Variants in RIMS1 observed in about 807,000 individuals in gnomAD.
RIMS1 encodes regulating synaptic membrane exocytosis 1.
Under a neutral mutation model 214.1 loss-of-function variants are expected in RIMS1, and 83 were observed. The ratio of observed to expected loss-of-function variants is 0.39; its 90% CI spans 0.32 to 0.47. RIMS1 has a LOEUF of 0.47. Among genes scored for constraint, RIMS1 ranks in the 20% least tolerant of loss-of-function variants. The pLI is 0.99. For missense variants in RIMS1, 2,050 were observed against 2,161.8 expected (o/e 0.95, Z 1.03); for synonymous variants, 793 against 786.8 (o/e 1.01, Z -0.13).
chr6:71,893,471 GA>G (rs1001733973), intron 1 of RIMS1, among the ~76,000 whole-genome samples: 1 of 152,036 alleles, frequency 6.6e-6, no homozygotes, highest in South Asian at 2.1e-4. Context: ...ATCTTTTACA[GA>G]AAAAAATTTG....
intron 4 of RIMS1, among the ~76,000 whole-genome samples, chr6:72,169,669 T>C (rs2463736): frequency 0.98 from 149,366 of 152,276 alleles, 73,306 homozygotes; most frequent in South Asian, 1. Context: ...TTTCGGAGGC[T>C]AAGGCGGGCA....
At chr6:71,895,106 A>G (rs1771253376) in intron 1 of RIMS1, among the ~76,000 whole-genome samples, 1 of 152,176 alleles carries the variant, frequency 6.6e-6, no homozygotes, top group South Asian at 2.1e-4. Flanking sequence ...ATGGACTCTC[A>G]TGCATAATAT....
chr6:72,149,810 C>G lies in RIMS1; in HGVS notation c.472-29765C>G, dbSNP rs148207000. Among the ~76,000 whole-genome samples the G allele has an allele frequency of 8.9e-3, 1,363 of 152,306 alleles. 13 individuals carry two copies. Among genetic ancestry groups the G allele is most frequent in the Middle Eastern group, 0.017 (5 of 294 alleles). ...ATCCTTGATTGAGCCTTTCTTGGCC[C>G]TAGGCCTGCTGCAGGATGTGTCTCA... On this transcript the variant is annotated intron_variant, in intron 4 of 33. Coordinates refer to ENST00000521978, the MANE Select transcript of RIMS1 (RefSeq NM_014989.7).
intron 2 of RIMS1, among the ~76,000 whole-genome samples, chr6:72,075,425 A>G (rs1048712371): frequency 6.7e-6 from 1 of 149,088 alleles, no homozygotes; most frequent in African/African-American, 2.4e-5. Context: ...GTATTTTCAG[A>G]CAGGAAAAGG....
chr6:72,263,345 G>T (rs925880389), intron 19 of RIMS1: 2 of 984,892 alleles, frequency 2.0e-6, no homozygotes, highest in African/African-American at 3.5e-5. Context: ...ATCCTACTGT[G>T]TCCTAAATAT....
chr6:72,090,830 C>T (rs1836019748), intron 2 of RIMS1, among the ~76,000 whole-genome samples: 1 of 152,210 alleles, frequency 6.6e-6, no homozygotes, highest in Non-Finnish European at 1.5e-5. Flanking sequence ...ACCTACTAGA[C>T]TAGCAAAACA....
chr6:72,306,727 A>G (rs1407678992), intron 26 of RIMS1, among the ~76,000 whole-genome samples: 2 of 152,220 alleles, frequency 1.3e-5, no homozygotes, highest in Non-Finnish European at 2.9e-5. Flanking sequence ...AATAGTCATG[A>G]GAAGCCACGG....
chr6:72,238,161 A>C (rs1049262518), intron 9 of RIMS1, among the ~76,000 whole-genome samples: 1 of 152,084 alleles, frequency 6.6e-6, no homozygotes, highest in African/African-American at 2.4e-5. Context: ...TAAGGGTAGG[A>C]ATCTTCTTTT....
chr6:72,067,041 G>A (rs1187036479), intron 2 of RIMS1, among the ~76,000 whole-genome samples: 1 of 151,932 alleles, frequency 6.6e-6, no homozygotes, highest in South Asian at 2.1e-4. Context: ...GATATGAATT[G>A]CTTAGGTGAA....
chr6:71,897,413 T>C (rs1385602231), intron 1 of RIMS1, among the ~76,000 whole-genome samples: 1 of 152,212 alleles, frequency 6.6e-6, no homozygotes, highest in African/African-American at 2.4e-5. Context: ...ATCTGGATCC[T>C]ACTTGCTATT....
chr6:72,255,627 C>T (rs2075474362), intron 16 of RIMS1, among the ~76,000 whole-genome samples: 1 of 152,024 alleles, frequency 6.6e-6, no homozygotes, highest in African/African-American at 2.4e-5. Context: ...TAAAAATAAC[C>T]ATATACAGAA....
chr6:72,132,606 G>A (rs1330489070), intron 4 of RIMS1, among the ~76,000 whole-genome samples: 2 of 152,108 alleles, frequency 1.3e-5, no homozygotes, highest in Non-Finnish European at 2.9e-5. Context: ...TTGAGTCATA[G>A]CACAATTGCT....
At chr6:71,906,658 G>A (rs945386426) in intron 1 of RIMS1, among the ~76,000 whole-genome samples, 7 of 152,050 alleles carry the variant, frequency 4.6e-5, no homozygotes, top group African/African-American at 1.7e-4. Flanking sequence ...GCCTGAGTGT[G>A]TGGATTTCTA....
At chr6:72,070,892 G>C (rs1384389) in intron 2 of RIMS1, among the ~76,000 whole-genome samples, 69,635 of 151,998 alleles carry the variant, frequency 0.46, 16,600 homozygotes, top group East Asian at 0.67. Flanking sequence ...CCTCCCAACT[G>C]TTTTTGTATA....
chr6:72,050,672 AG>A (rs1028609029), intron 2 of RIMS1, among the ~76,000 whole-genome samples: 13 of 152,188 alleles, frequency 8.5e-5, no homozygotes, highest in African/African-American at 2.6e-4. Flanking sequence ...TGTGGCATCC[AG>A]GGTGTGTCTG....
chr6:72,146,192 T>A (rs2042727830), intron 4 of RIMS1, among the ~76,000 whole-genome samples: 1 of 152,236 alleles, frequency 6.6e-6, no homozygotes, highest in African/African-American at 2.4e-5. Flanking sequence ...TCTACAGCTA[T>A]CGGAAACTGG....
intron 29 of RIMS1, among the ~76,000 whole-genome samples, chr6:72,352,280 G>C (rs1256656209): frequency 1.3e-5 from 2 of 152,078 alleles, no homozygotes; most frequent in African/African-American, 4.8e-5. Context: ...ATGAAGACTG[G>C]GTTTATCAGG....
chr6:72,366,633 C>A, intron 29 of RIMS1: 2 of 918,530 alleles, frequency 2.2e-6, no homozygotes, highest in Non-Finnish European at 2.6e-6. Flanking sequence ...GCACTCTTGA[C>A]AGAAGCAATT....
At chr6:72,385,807 C>T (rs1343004237) in intron 29 of RIMS1, among the ~76,000 whole-genome samples, 1 of 152,158 alleles carries the variant, frequency 6.6e-6, no homozygotes, top group Non-Finnish European at 1.5e-5. Context: ...TCCTCACATT[C>T]CAAATTAATA....
Sources: gnomAD v4.1 joint callset for allele counts (sites outside exome capture counted in the v4.1 genomes callset) on GRCh38, gnomAD v4.1.1 for gene constraint, MANE v1.5 for transcripts, NCBI Gene and HGNC (gene_info 2026-07-23, HGNC 2026-07-21) for gene names.